CUX2: variants seen among roughly 807,000 people sequenced by gnomAD.
CUX2 encodes cut like homeobox 2.
CUX2 carries 40 observed loss-of-function variants against 144.8 expected under a neutral mutation model. The observed-to-expected ratio is 0.28, with a 90% CI of 0.21 to 0.36. CUX2 has a LOEUF of 0.36. Ranked by LOEUF, CUX2 falls within the 10% of genes least tolerant of loss-of-function variation. CUX2 has a pLI of 1.00. For missense variants in CUX2, 1,615 were observed against 1,994.0 expected (o/e 0.81, Z 3.62); for synonymous variants, 827 against 875.6 (o/e 0.94, Z 0.98).
chr12:111,127,993 A>G (rs541106233), intron 1 of CUX2, among the ~76,000 whole-genome samples: 1 of 152,328 alleles, frequency 6.6e-6, no homozygotes, highest in South Asian at 2.1e-4. Context: ...TTACAATTCA[A>G]GGTGAGATTT....
intron 16 of CUX2, among the ~76,000 whole-genome samples, chr12:111,318,902 C>T (rs1887350645): frequency 6.6e-6 from 1 of 151,930 alleles, no homozygotes; most frequent in African/African-American, 2.4e-5. Context: ...TAAACTCAGA[C>T]AATTTGACTG....
At chr12:111,192,153 G>C (rs1193502188) in intron 1 of CUX2, among the ~76,000 whole-genome samples, 1 of 151,900 alleles carries the variant, frequency 6.6e-6, no homozygotes, top group African/African-American at 2.4e-5. Context: ...TGGAGATGGA[G>C]TCTTACTCAG....
intron 18 of CUX2, among the ~76,000 whole-genome samples, chr12:111,327,741 C>T (rs114087804): frequency 0.018 from 2,735 of 152,118 alleles, 100 homozygotes; most frequent in African/African-American, 0.061. Flanking sequence ...GTAGAGGTGG[C>T]GGGGTCCCCT....
chr12:111,280,319 G>A (rs1351100371), intron 4 of CUX2, among the ~76,000 whole-genome samples: 1 of 152,104 alleles, frequency 6.6e-6, no homozygotes, highest in Admixed American at 6.6e-5. Context: ...ATCAGGGAGA[G>A]ACAGAAGGTC....
In CUX2 at chr12:111,304,925, C is replaced by T. The variant is rs1033981517; in HGVS notation, c.858+611C>T. 1.3e-5 allele frequency among the ~76,000 whole-genome samples: 2 copies of T among 152,226 alleles called. No individual in the cohort carries two copies. The highest frequency in any genetic ancestry group is 4.8e-5 in the African/African-American group (2 of 41,454). On this transcript the variant is annotated intron_variant, in intron 10 of 21. Transcript: ENST00000261726. The surrounding 1 kb of genome is among the most constrained non-coding windows in gnomAD (Gnocchi z 4.7). ...CAAGATAAAATTTAACATTCATACT[C>T]AGCCATTGGTTTCCAAAGCATGCCA...
rs182436226 is a variant in CUX2, at chr12:111,334,613, C to T, written c.3099C>T (p.Ala1033=). 5.0e-6 allele frequency: 8 copies of T among 1,614,032 alleles called. No individual in the cohort carries two copies. The Admixed American group carries it at 5.0e-5, about 10-fold the overall frequency. Residue 1033 remains alanine, a synonymous_variant, in exon 19 of 22, where the codon GCC becomes GCT. Transcript: ENST00000261726. ...GGAAGATGTACTCAGGCAGCCAGGC[C>T]CCAGGGGGCATCCAGGAGATCGTGG... ...LSGKMYSGSQ[A]PGGIQEIVAM...
At chr12:111,217,520 C>T (rs1565855206) in intron 2 of CUX2, among the ~76,000 whole-genome samples, 1 of 152,170 alleles carries the variant, frequency 6.6e-6, no homozygotes, top group African/African-American at 2.4e-5. Context: ...CTCCAGCCCC[C>T]ACCCCACTCC....
intron 1 of CUX2, among the ~76,000 whole-genome samples, chr12:111,135,792 A>C (rs1875843169): frequency 6.6e-6 from 1 of 152,254 alleles, no homozygotes; most frequent in African/African-American, 2.4e-5. Context: ...ATCCATAGAG[A>C]CAGAAAGCAG....
At chr12:111,273,446 G>A (rs1005480988) in intron 4 of CUX2, among the ~76,000 whole-genome samples, 13 of 152,014 alleles carry the variant, frequency 8.6e-5, no homozygotes, top group African/African-American at 2.2e-4. Context: ...GACCCGCCCC[G>A]ACCCAGCTCC....
At chr12:111,086,007 A>G (rs1012947115) in intron 1 of CUX2, among the ~76,000 whole-genome samples, 1 of 152,200 alleles carries the variant, frequency 6.6e-6, no homozygotes, top group Non-Finnish European at 1.5e-5. Flanking sequence ...CTGATGGAGA[A>G]GCTAGAGGCT....
At chr12:111,249,265 G>A (rs1055967978) in intron 3 of CUX2, among the ~76,000 whole-genome samples, 3 of 152,002 alleles carry the variant, frequency 2.0e-5, no homozygotes, top group Non-Finnish European at 2.9e-5. Context: ...CTTTGCACAC[G>A]TTTCCCCACC....
chr12:111,343,983 G>T (rs970659156), intron 21 of CUX2, among the ~76,000 whole-genome samples: 1 of 151,610 alleles, frequency 6.6e-6, no homozygotes, highest in Non-Finnish European at 1.5e-5. Context: ...AACCCAGGAG[G>T]TGGAGGTTGC....
At chr12:111,296,370 C>T (rs1470544396) in intron 7 of CUX2, 103 bp from the exon 8 acceptor site, 2 of 984,604 alleles carry the variant, frequency 2.0e-6, no homozygotes, top group Non-Finnish European at 3.1e-6. Context: ...AGCTCTCATT[C>T]TGCCTGCTGG....
At chr12:111,249,447 T>G (rs1287622111) in intron 3 of CUX2, among the ~76,000 whole-genome samples, 2 of 122,288 alleles carry the variant, frequency 1.6e-5, no homozygotes, top group Non-Finnish European at 3.3e-5. Context: ...CTTTTTTTGT[T>G]TTTTTTTTTT....
intron 3 of CUX2, among the ~76,000 whole-genome samples, chr12:111,244,979 A>G (rs1013890481): frequency 3.3e-5 from 5 of 152,158 alleles, no homozygotes; most frequent in African/African-American, 1.2e-4. Flanking sequence ...GCTGGGAGCA[A>G]TGAAGGCTGT....
rs1228474020 is a variant in CUX2, at chr12:111,178,272, C to T, written c.64-35928C>T. Among the ~76,000 whole-genome samples the T allele has an allele frequency of 6.6e-6, 1 of 152,256 alleles. No homozygotes were observed. Among genetic ancestry groups the T allele is most frequent in the Admixed American group, 6.5e-5 (1 of 15,286 alleles). The stretch of plus-strand genomic sequence containing the variant: ...TGTAATAAATCTTGCCCCGAAATCT[C>T]GGCAGCACATCTTGGCTGGAGTGTA... On this transcript the variant is annotated intron_variant, in intron 1 of 21. Coordinates refer to ENST00000261726, the MANE Select transcript of CUX2 (RefSeq NM_015267.4). This position sits in a 1 kb window ranked among gnomAD's most constrained non-coding sequence, Gnocchi z 5.7.
intron 1 of CUX2, among the ~76,000 whole-genome samples, chr12:111,129,942 T>C (rs1216347010): frequency 6.6e-6 from 1 of 152,190 alleles, no homozygotes; most frequent in Non-Finnish European, 1.5e-5. Flanking sequence ...AAAACTCTAT[T>C]GATCACCTGA....
chr12:111,214,718 G>A (rs3809288), intron 2 of CUX2, among the ~76,000 whole-genome samples: 59,606 of 151,956 alleles, frequency 0.39, 15,584 homozygotes, highest in African/African-American at 0.73. Flanking sequence ...GGCACTCATC[G>A]TCTCTGAAAC....
chr12:111,065,690 A>G (rs1415258289), intron 1 of CUX2, among the ~76,000 whole-genome samples: 1 of 152,256 alleles, frequency 6.6e-6, no homozygotes, highest in Non-Finnish European at 1.5e-5. Flanking sequence ...AATGTCCAGC[A>G]GTATTACCAT....
Sources: allele counts gnomAD v4.1 joint callset (sites outside exome capture counted in the v4.1 genomes callset), GRCh38; gene constraint gnomAD v4.1.1; non-coding constraint Gnocchi (gnomAD v3.1); transcripts MANE v1.5; gene names NCBI Gene and HGNC (gene_info 2026-07-23, HGNC 2026-07-21).